MALRD1: variants seen among roughly 807,000 people sequenced by gnomAD.
The protein encoded by MALRD1 is MAM and LDL-receptor class A domain-containing protein 1.
Under a neutral mutation model 242.1 loss-of-function variants are expected in MALRD1, and 247 were observed. That is an observed-to-expected ratio of 1.02 (90% CI 0.92 to 1.13). MALRD1 has a LOEUF of 1.13. Ranked by LOEUF, MALRD1 falls within the 50% of genes most tolerant of loss-of-function variation. The pLI is 0.00. For synonymous variants in MALRD1, 995 were observed against 866.6 expected, an observed-to-expected ratio of 1.15 and a Z score of -2.60; for missense variants, 2,989 against 2,533.1, an observed-to-expected ratio of 1.18 and a Z score of -3.86.
intron 29 of MALRD1, among the ~76,000 whole-genome samples, chr10:19,483,073 A>G (rs1269719358): frequency 1.3e-5 from 2 of 152,110 alleles, no homozygotes; most frequent in Non-Finnish European, 2.9e-5. Flanking sequence ...CCAAAACAGC[A>G]TGGTACTGGT....
chr10:19,637,434 G>C (rs759044064), intron 36 of MALRD1, among the ~76,000 whole-genome samples: 3 of 152,248 alleles, frequency 2.0e-5, no homozygotes, highest in Middle Eastern at 3.4e-3. Context: ...AAATCAAGTT[G>C]ATTAATTGTC....
At chr10:19,103,001 C>G (rs1466785707) in intron 4 of MALRD1, among the ~76,000 whole-genome samples, 1 of 151,858 alleles carries the variant, frequency 6.6e-6, no homozygotes, top group East Asian at 2.0e-4. Flanking sequence ...GTGCCCGCCA[C>G]CACTCCCAGC....
chr10:19,163,136 CTAAAAAAAAAA>C, intron 12 of MALRD1, among the ~76,000 whole-genome samples: 1 of 36,912 alleles, frequency 2.7e-5, no homozygotes, highest in East Asian at 1.1e-3. Context: ...GAAACCCTGT[CTAAAAAAAAAA>C]AAAAAAAAAA....
At chr10:19,703,869 T>C (rs977864427) in intron 38 of MALRD1, among the ~76,000 whole-genome samples, 3 of 152,152 alleles carry the variant, frequency 2.0e-5, no homozygotes, top group Non-Finnish European at 4.4e-5. Flanking sequence ...CACTCCAGTC[T>C]AGGTGACAGA....
chr10:19,723,885 T>C (rs1436373739), intron 38 of MALRD1, among the ~76,000 whole-genome samples: 1 of 150,652 alleles, frequency 6.6e-6, no homozygotes, highest in African/African-American at 2.4e-5. Context: ...TGAATTTCAC[T>C]AAGCAGCTTG....
In MALRD1 at chr10:19,283,015, C is replaced by A. The variant is rs556574281; in HGVS notation, c.3257-4C>A. On this transcript the variant is annotated splice_region_variant and splice_polypyrimidine_tract_variant and intron_variant, in intron 20 of 39. Coordinates refer to ENST00000454679, the MANE Select transcript of MALRD1 (RefSeq NM_001142308.3). ...CACCTTTTCTTTGTTCTACCCCATC[C>A]AAGTTATGGAAGTTTGCAGCTTTGA... The A allele has an allele frequency of 1.6e-4, 242 of 1,535,246 alleles. No homozygotes were observed. Among genetic ancestry groups the A allele is most frequent in the Non-Finnish European group, 2.0e-4 (225 of 1,138,118 alleles).
intron 20 of MALRD1, 22 bp from the exon 21 acceptor site, chr10:19,282,997 T>C (rs1263980844): frequency 1.3e-6 from 2 of 1,491,500 alleles, no homozygotes; most frequent in South Asian, 1.3e-5. Flanking sequence ...GCTCACCTTT[T>C]CTTTGTTCTA....
chr10:19,235,867 C>T (rs1197356276), intron 18 of MALRD1, among the ~76,000 whole-genome samples: 1 of 151,988 alleles, frequency 6.6e-6, no homozygotes, highest in Non-Finnish European at 1.5e-5. Flanking sequence ...TAAGGTATTT[C>T]AAACCCTTGA....
rs1166946661 is a variant in MALRD1, at chr10:19,607,885, A to T, written c.6053A>T (p.Asp2018Val). 4 of 1,549,626 alleles carry T rather than the reference A, an allele frequency of 2.6e-6. No homozygotes were observed. The African/African-American group carries it at 4.1e-5, about 16-fold the overall frequency. The change falls in exon 35 of 40, where the codon GAT becomes GTT. Residue 2018 changes from aspartate to valine, a missense_variant. By Grantham distance (152) the Asp-to-Val change is radical. Coordinates refer to ENST00000454679, the MANE Select transcript of MALRD1 (RefSeq NM_001142308.3). ...GFADCMDFQL[D>V]ESSCSECPLN... ...GCCGACTGCATGGATTTCCAGCTTG[A>T]TGAGTCCAGCTGCTCCGGTACCCCA...
intron 36 of MALRD1, among the ~76,000 whole-genome samples, chr10:19,667,729 G>C (rs1841737148): frequency 6.6e-6 from 1 of 152,108 alleles, no homozygotes; most frequent in Non-Finnish European, 1.5e-5. Context: ...AGCAGATGCA[G>C]CACCATGCTT....
chr10:19,134,952 C>T (rs942078332), intron 9 of MALRD1, among the ~76,000 whole-genome samples: 5 of 151,896 alleles, frequency 3.3e-5, no homozygotes. Flanking sequence ...TCTCTTGCTG[C>T]TATGAAAATA....
intron 24 of MALRD1, among the ~76,000 whole-genome samples, chr10:19,343,653 A>G (rs570239387): frequency 6.6e-6 from 1 of 152,172 alleles, no homozygotes; most frequent in East Asian, 1.9e-4. Flanking sequence ...TCCTCTTGAG[A>G]TCCATCAAAA....
At chr10:19,645,184 A>G (rs1840590348) in intron 36 of MALRD1, among the ~76,000 whole-genome samples, 2 of 152,176 alleles carry the variant, frequency 1.3e-5, no homozygotes, top group Non-Finnish European at 2.9e-5. Flanking sequence ...ATGAGATACC[A>G]TCTCACACCA....
chr10:19,655,508 G>T (rs2131718636), intron 36 of MALRD1, among the ~76,000 whole-genome samples: 1 of 143,516 alleles, frequency 7.0e-6, no homozygotes, highest in African/African-American at 2.5e-5. Flanking sequence ...ATATGTGTGT[G>T]TGTACATATA....
chr10:19,693,865 T>A (rs1833228764), intron 38 of MALRD1, among the ~76,000 whole-genome samples: 1 of 152,138 alleles, frequency 6.6e-6, no homozygotes, highest in Non-Finnish European at 1.5e-5. Flanking sequence ...ATGGTACTGG[T>A]ACCAAAACAG....
At chr10:19,286,975 A>T (rs1841158057) in intron 21 of MALRD1, among the ~76,000 whole-genome samples, 1 of 151,702 alleles carries the variant, frequency 6.6e-6, no homozygotes, top group Non-Finnish European at 1.5e-5. Flanking sequence ...ATCCACCATG[A>T]TCAAGTGGGC....
At chr10:19,609,508 T>C (rs1170179671) in intron 35 of MALRD1, among the ~76,000 whole-genome samples, 1 of 152,054 alleles carries the variant, frequency 6.6e-6, no homozygotes, top group Non-Finnish European at 1.5e-5. Context: ...CAGCATTTAA[T>C]AGGCTTTTGT....
At chr10:19,612,484 T>C (rs376144215) in intron 35 of MALRD1, among the ~76,000 whole-genome samples, 175 of 152,108 alleles carry the variant, frequency 1.2e-3, no homozygotes, top group African/African-American at 3.6e-3. Context: ...GTTTTGATCC[T>C]ATACTGCAAC....
intron 36 of MALRD1, among the ~76,000 whole-genome samples, chr10:19,617,136 C>T (rs1246984400): frequency 2.0e-5 from 3 of 151,916 alleles, no homozygotes; most frequent in Admixed American, 2.0e-4. Flanking sequence ...TTAATCCTGA[C>T]AGTTAAGCCA....
Sources: gnomAD v4.1 joint callset for allele counts (sites outside exome capture counted in the v4.1 genomes callset) on GRCh38, gnomAD v4.1.1 for gene constraint, MANE v1.5 for transcripts, NCBI Gene and HGNC (gene_info 2026-07-23, HGNC 2026-07-21) for gene names.